TESC: variants seen among roughly 807,000 people sequenced by gnomAD.
The protein encoded by TESC is tescalcin, also known as calcineurin B homologous protein 3.
A neutral mutation model predicts 31.0 loss-of-function variants in TESC; 19 were observed. The observed-to-expected ratio is 0.61, with a 90% confidence interval of 0.43 to 0.90. TESC has a LOEUF of 0.90. Among genes scored for constraint, TESC ranks in the 40% least tolerant of loss-of-function variants. The pLI is 0.00. For missense variants in TESC, 248 were observed against 303.8 expected (o/e 0.82, Z 1.36); for synonymous variants, 109 against 114.8 (o/e 0.95, Z 0.32).
rs142413563 is a variant in TESC at position 117,098,008 on chromosome 12, T to G, written c.58+1217A>C. Reference sequence around the variant, plus strand: ...ACACAGAGATACAGATATAGACGTATAAGTGCGTGCATACACACACCAGTT... The same window carrying G: ...ACACAGAGATACAGATATAGACGTAGAAGTGCGTGCATACACACACCAGTT... On this transcript the variant is annotated intron_variant, in intron 1 of 7. Transcript: ENST00000335209. Among the ~76,000 whole-genome samples the G allele has an allele frequency of 1.2e-3, 189 of 152,326 alleles. 1 individual carries two copies. The Middle Eastern group carries it at 0.017, about 14-fold the overall frequency.
At chr12:117,082,515 A>G (rs1294976552) in intron 1 of TESC, among the ~76,000 whole-genome samples, 3 of 152,026 alleles carry the variant, frequency 2.0e-5, no homozygotes, top group African/African-American at 7.2e-5. Context: ...AAAAAAAAAA[A>G]AGAAATTGGG....
intron 1 of TESC, among the ~76,000 whole-genome samples, chr12:117,075,869 A>ATATGTG (rs1955049402): frequency 9.5e-5 from 3 of 31,448 alleles, no homozygotes; most frequent in African/African-American, 2.5e-4. Context: ...ATATATATAT[A>ATATGTG]TGTGTGTATA....
Position 117,041,950 on chromosome 12 carries a change from C to A in TESC, c.564G>T (p.Leu188=). Residue 188 remains leucine, a synonymous_variant, in exon 7 of 8, where the codon CTG becomes CTT. Transcript: ENST00000335209. ...VYEGITFEDF[L]KIWQGIDIET... The stretch of plus-strand genomic sequence containing the variant: ...CTCCCACGCCCAGGCCACCCACCTT[C>A]AGGAAGTCCTCGAAGGTGATCCCCT... The A allele has an allele frequency of 1.9e-6, 3 of 1,589,050 alleles. No homozygotes were observed. In the South Asian group the frequency reaches 3.5e-5, roughly 18 times the overall value.
intron 1 of TESC, among the ~76,000 whole-genome samples, chr12:117,082,706 T>C (rs1955165527): frequency 6.6e-6 from 1 of 152,164 alleles, no homozygotes; most frequent in African/African-American, 2.4e-5. Flanking sequence ...AAGTTCATAT[T>C]GATATACACA....
chr12:117,047,842 A>T (rs778368728), intron 4 of TESC, among the ~76,000 whole-genome samples: 67 of 152,016 alleles, frequency 4.4e-4, no homozygotes, highest in Admixed American at 8.5e-4. Context: ...CTGGGCTCAA[A>T]CTACCCTCCC....
chr12:117,046,050 C>A (rs1260696518), intron 6 of TESC, among the ~76,000 whole-genome samples: 1 of 152,190 alleles, frequency 6.6e-6, no homozygotes, highest in Non-Finnish European at 1.5e-5. Context: ...AGGCCACTTC[C>A]CTCTCTTCTG....
In TESC at chr12:117,078,281, C is replaced by T. The variant is rs1051313141; in HGVS notation, c.59-2941G>A. ...GGTCAGGAGTCTGAGACCTGGCCAA[C>T]ATGACGAAACCCCATCTCTACTAAA... On this transcript the variant is annotated intron_variant, in intron 1 of 7. Coordinates refer to ENST00000335209, the MANE Select transcript of TESC (RefSeq NM_017899.4). Among the ~76,000 whole-genome samples the T allele has an allele frequency of 5.9e-5, 9 of 152,238 alleles. No homozygotes were observed. In the East Asian group the frequency reaches 1.7e-3, roughly 29 times the overall value.
chr12:117,092,270 C>T (rs1955322654), intron 1 of TESC, among the ~76,000 whole-genome samples: 1 of 152,190 alleles, frequency 6.6e-6, no homozygotes, highest in Non-Finnish European at 1.5e-5. Context: ...CAGGACGGCT[C>T]CAGCACCGAG....
chr12:117,057,681 T>C (rs1005695413), intron 2 of TESC, among the ~76,000 whole-genome samples: 1 of 152,210 alleles, frequency 6.6e-6, no homozygotes, highest in African/African-American at 2.4e-5. Context: ...CACAGCAGCA[T>C]TGCTCACCCG....
intron 1 of TESC, among the ~76,000 whole-genome samples, chr12:117,081,783 A>T (rs1434739412): frequency 3.3e-5 from 5 of 152,128 alleles, no homozygotes; most frequent in African/African-American, 1.2e-4. Flanking sequence ...GCATGCCTGT[A>T]ATCCCAACTA....
Position 117,046,649 on chromosome 12 carries a change from C to T in TESC, c.429G>A (p.Leu143=), listed in dbSNP as rs1404899311. 1 of 1,552,092 alleles carries T rather than the reference C, an allele frequency of 6.4e-7. No individual in the cohort carries two copies. ...EEYRNVVEEL[L]SGNPHIEKES... is the part of the protein sequence containing the mutation. Reference sequence around the variant, plus strand: ...CCTTCTCGATGTGAGGGTTTCCCGACAGCAGCTCCTCGACCACCTGCCAGG... The same window carrying T: ...CCTTCTCGATGTGAGGGTTTCCCGATAGCAGCTCCTCGACCACCTGCCAGG... The change falls in exon 6 of 8, where the codon CTG becomes CTA. Residue 143 remains leucine, a synonymous_variant. Transcript: ENST00000335209.
intron 2 of TESC, among the ~76,000 whole-genome samples, chr12:117,063,099 A>C (rs1954820771): frequency 6.6e-6 from 1 of 152,136 alleles, no homozygotes; most frequent in South Asian, 2.1e-4. Flanking sequence ...TGCAACACTT[A>C]ATCACCCCCA....
At chr12:117,062,077 G>T (rs978059508) in intron 2 of TESC, among the ~76,000 whole-genome samples, 1 of 152,148 alleles carries the variant, frequency 6.6e-6, no homozygotes, top group Non-Finnish European at 1.5e-5. Context: ...AATCGCTGCA[G>T]CAGTATTAAT....
At position 117,071,133 on chromosome 12, in the gene TESC, A is replaced by C. The variant is rs185689875; in HGVS notation, c.128+4138T>G. The stretch of plus-strand genomic sequence containing the variant: ...ACCTAACAAGGAAGTACTATTAAGG[A>C]CAACAGGCCTCACGTAGGCCACGCT... On this transcript the variant is annotated intron_variant, in intron 2 of 7. Transcript: ENST00000335209. 1.3e-3 allele frequency among the ~76,000 whole-genome samples: 193 copies of C among 152,366 alleles called. 1 individual carries two copies. Among genetic ancestry groups the C allele is most frequent in the African/African-American group, 4.5e-3 (186 of 41,592 alleles).
At chr12:117,065,256 G>A (rs948676271) in intron 2 of TESC, among the ~76,000 whole-genome samples, 1 of 152,170 alleles carries the variant, frequency 6.6e-6, no homozygotes, top group Non-Finnish European at 1.5e-5. Context: ...GGGTAGCCCA[G>A]GCCAGAGACC....
intron 2 of TESC, among the ~76,000 whole-genome samples, chr12:117,058,981 C>A (rs1336706985): frequency 1.3e-5 from 2 of 152,184 alleles, no homozygotes; most frequent in Non-Finnish European, 2.9e-5. Context: ...GCTCCATGGG[C>A]CTCCACGGGC....
intron 1 of TESC, among the ~76,000 whole-genome samples, chr12:117,083,254 T>C (rs551208721): frequency 6.6e-6 from 1 of 152,316 alleles, no homozygotes; most frequent in African/African-American, 2.4e-5. Context: ...AATTTCTATA[T>C]TTTTAGTAGA....
Position 117,041,985 on chromosome 12 carries a change from G to A in TESC, c.529C>T (p.Gln177Ter), listed in dbSNP as rs1320131082. 6.3e-7 allele frequency: 1 copy of A among 1,596,318 alleles called. No homozygotes were observed. The highest frequency in any genetic ancestry group is 8.5e-7 in the Non-Finnish European group (1 of 1,171,108). ...SVCMGQMEPD[Q>*]VYEGITFEDF... is the part of the protein sequence containing the mutation. ...TCGAAGGTGATCCCCTCGTACACCT[G>A]ATCAGGCTCCTGGGGACGGAAGCAC... The change falls in exon 7 of 8, where the codon CAG (glutamine) becomes TAG (stop). Residue 177 changes from glutamine (Q) to a stop codon, truncating the protein, a stop_gained. Transcript: ENST00000335209. LOFTEE classifies it high-confidence loss of function.
At chr12:117,070,198 C>T (rs1399627599) in intron 2 of TESC, among the ~76,000 whole-genome samples, 1 of 152,222 alleles carries the variant, frequency 6.6e-6, no homozygotes, top group Non-Finnish European at 1.5e-5. Flanking sequence ...TAGAAAACCC[C>T]TGGCAGAGAG....
Sources: allele counts gnomAD v4.1 joint callset (sites outside exome capture counted in the v4.1 genomes callset), GRCh38; gene constraint gnomAD v4.1.1; transcripts MANE v1.5; gene names NCBI Gene and HGNC (gene_info 2026-07-23, HGNC 2026-07-21).